SEL1L2: variants seen among roughly 807,000 people sequenced by gnomAD.
The protein encoded by SEL1L2 is SEL1L2 adaptor subunit of SYVN1 ubiquitin ligase.
In SEL1L2, 89 loss-of-function variants were observed where a neutral mutation model predicts 98.8. That is an observed-to-expected ratio of 0.90 (90% confidence interval 0.76 to 1.07). The LOEUF (loss-of-function observed/expected upper bound fraction) is 1.07, where lower values mean the gene tolerates loss of function less well. Ranked by LOEUF, SEL1L2 falls within the 50% of genes least tolerant of loss-of-function variation. The pLI, the probability that SEL1L2 is intolerant of heterozygous loss-of-function variation, is 0.00. For missense variants in SEL1L2, 788 were observed against 812.0 expected (o/e 0.97, Z 0.36); for synonymous variants, 262 against 278.5 (o/e 0.94, Z 0.59).
intron 4 of SEL1L2, chr20:13,914,981 T>C: frequency 1.5e-6 from 1 of 660,952 alleles, no homozygotes; most frequent in Non-Finnish European, 2.2e-6. Context: ...TAGGGATTTA[T>C]TTTTACTTTT....
At chr20:13,918,094 G>A (rs2048489221) in intron 4 of SEL1L2, among the ~76,000 whole-genome samples, 1 of 151,958 alleles carries the variant, frequency 6.6e-6, no homozygotes, top group Non-Finnish European at 1.5e-5. Flanking sequence ...CTTGGCTAGG[G>A]CCCACACTTT....
At chr20:13,931,191 C>T (rs1464373860) in intron 3 of SEL1L2, among the ~76,000 whole-genome samples, 1 of 151,804 alleles carries the variant, frequency 6.6e-6, no homozygotes, top group Non-Finnish European at 1.5e-5. Context: ...CTACAGGTGC[C>T]CGCCACCGTG....
chr20:13,912,485 CG>C (rs2048247398), intron 5 of SEL1L2, among the ~76,000 whole-genome samples: 1 of 151,864 alleles, frequency 6.6e-6, no homozygotes, highest in Non-Finnish European at 1.5e-5. Context: ...TTAGTAGAGA[CG>C]GGGTTTCACC....
rs1017302847 is a variant in SEL1L2 at position 13,849,331 on chromosome 20, C to A, written c.*154G>T. 6.3e-6 allele frequency: 6 copies of A among 953,912 alleles called. No homozygotes were observed. In the African/African-American group the frequency reaches 8.1e-5, roughly 13 times the overall value. 59.1% of individuals were successfully genotyped at this position (953,912 alleles called of 1,614,324 possible). Reference sequence around the variant, plus strand: ...CTAAGCAGGAAGTCTGAAGTTGTTTCTCTAGGATGGTCCCCAAGTCTTGTC... The same window carrying A: ...CTAAGCAGGAAGTCTGAAGTTGTTTATCTAGGATGGTCCCCAAGTCTTGTC... On this transcript the variant is annotated 3_prime_UTR_variant, in exon 20 of 20. Coordinates refer to ENST00000284951, the MANE Select transcript of SEL1L2 (RefSeq NM_025229.2).
chr20:13,902,068 G>A (rs546311301), intron 5 of SEL1L2, among the ~76,000 whole-genome samples: 55 of 152,280 alleles, frequency 3.6e-4, no homozygotes, highest in African/African-American at 1.2e-3. Context: ...CACGGAAAAG[G>A]GCAGTAACTC....
intron 14 of SEL1L2, among the ~76,000 whole-genome samples, chr20:13,868,667 G>A (rs1263005022): frequency 2.0e-5 from 3 of 149,320 alleles, no homozygotes; most frequent in East Asian, 2.0e-4. Flanking sequence ...ATGCAGTGGC[G>A]TGATCTAGGC....
intron 3 of SEL1L2, among the ~76,000 whole-genome samples, chr20:13,919,579 C>T (rs1327348528): frequency 6.6e-6 from 1 of 152,136 alleles, no homozygotes; most frequent in Non-Finnish European, 1.5e-5. Context: ...ACAGGCATCT[C>T]CAAGATGACC....
chr20:13,904,913 C>G (rs1343477183), intron 5 of SEL1L2, among the ~76,000 whole-genome samples: 1 of 152,194 alleles, frequency 6.6e-6, no homozygotes, highest in African/African-American at 2.4e-5. Context: ...CTTTCACCAA[C>G]AGTGGATCCT....
At position 13,977,860 on chromosome 20, in the gene SEL1L2, CATAA is replaced by C. The variant is rs1470581571; in HGVS notation, c.58+12613_58+12616del. On this transcript the variant is annotated intron_variant, in intron 1 of 19. Coordinates refer to ENST00000284951, the MANE Select transcript of SEL1L2 (RefSeq NM_025229.2). The stretch of plus-strand genomic sequence containing the variant: ...ATTTGATGAAAAAAATTCAAGGAGG[CATAA>C]ATAAATAAAAAGATATATTCATGGA... Among the ~76,000 whole-genome samples, 14 of 151,872 alleles carry C rather than the reference CATAA, an allele frequency of 9.2e-5. No individual in the cohort carries two copies. The East Asian group carries it at 9.6e-4, about 10-fold the overall frequency.
chr20:13,901,533 A>C (rs930850761), intron 5 of SEL1L2, among the ~76,000 whole-genome samples: 1 of 152,218 alleles, frequency 6.6e-6, no homozygotes, highest in Non-Finnish European at 1.5e-5. Flanking sequence ...TAATTTTATA[A>C]AAAATGTGAC....
chr20:13,949,890 G>A lies in SEL1L2; in HGVS notation c.114+6186C>T, dbSNP rs962756972. On this transcript the variant is annotated intron_variant, in intron 2 of 19. Coordinates refer to ENST00000284951, the MANE Select transcript of SEL1L2 (RefSeq NM_025229.2). ...AAGAATTGAAACAGGGTACTGAAGAGGTATTTGTATGCCCATGTTAATAGC... is the reference window on the plus strand; with the variant it reads ...AAGAATTGAAACAGGGTACTGAAGAAGTATTTGTATGCCCATGTTAATAGC... Among the ~76,000 whole-genome samples, 6 of 152,100 alleles carry A rather than the reference G, an allele frequency of 3.9e-5. No individual in the cohort carries two copies. In the East Asian group the frequency reaches 1.2e-3, roughly 29 times the overall value.
intron 9 of SEL1L2, 103 bp downstream of exon 9, chr20:13,886,185 C>T (rs577089452): frequency 1.3e-6 from 1 of 750,058 alleles, no homozygotes; most frequent in African/African-American, 1.8e-5. Context: ...TCCCCCCATT[C>T]CTATTTAGGA....
intron 5 of SEL1L2, among the ~76,000 whole-genome samples, chr20:13,905,274 T>C (rs2047870210): frequency 1.3e-5 from 2 of 151,948 alleles, no homozygotes; most frequent in Non-Finnish European, 2.9e-5. Flanking sequence ...TATCGTGTAG[T>C]AAATATGTTG....
intron 1 of SEL1L2, among the ~76,000 whole-genome samples, chr20:13,961,636 C>G (rs934549947): frequency 2.0e-4 from 30 of 152,170 alleles, no homozygotes; most frequent in African/African-American, 7.0e-4. Context: ...GAATAGGAGA[C>G]AGCATGAGAA....
intron 5 of SEL1L2, among the ~76,000 whole-genome samples, chr20:13,905,267 C>T (rs1024406652): frequency 1.3e-5 from 2 of 150,074 alleles, no homozygotes; most frequent in South Asian, 2.1e-4. Flanking sequence ...TACGGGCTAT[C>T]GTGTAGTAAA....
At chr20:13,907,700 CTCTTTCTTTCTT>C (rs10665105) in intron 5 of SEL1L2, among the ~76,000 whole-genome samples, 4,457 of 125,440 alleles carry the variant, frequency 0.036, 175 homozygotes, top group African/African-American at 0.096. Context: ...TTCTTTCTTT[CTCTTTCTTTCTT>C]TCTTTCTTTC....
chr20:13,962,783 C>T (rs2050837865), intron 1 of SEL1L2, among the ~76,000 whole-genome samples: 2 of 151,986 alleles, frequency 1.3e-5, no homozygotes, highest in Admixed American at 1.3e-4. Flanking sequence ...AATAAAATAT[C>T]GACCAGGCAC....
At chr20:13,947,242 T>C (rs563065398) in intron 2 of SEL1L2, among the ~76,000 whole-genome samples, 1 of 151,888 alleles carries the variant, frequency 6.6e-6, no homozygotes, top group African/African-American at 2.4e-5. Flanking sequence ...TCTGAGCCCA[T>C]AAAAACCCCC....
Position 13,887,955 on chromosome 20 carries a change from G to A in SEL1L2, c.650C>T (p.Ser217Phe), listed in dbSNP as rs754915100. Residue 217 changes from serine to phenylalanine, a missense_variant, in exon 7 of 20, where the codon TCC becomes TTC. Ser to Phe is a radical substitution (Grantham distance 155). Transcript: ENST00000284951. ...TTGTTTACAAACCAAAATCATCTGG[G>A]ACATCATGTTTCCTCCAGCACTTCC... ...TFGSAGGNMMSQMILGYRYLS... is the reference protein window; with the variant it reads ...TFGSAGGNMMFQMILGYRYLS... 6.2e-7 allele frequency: 1 copy of A among 1,613,644 alleles called. No individual in the cohort carries two copies.
Sources: gnomAD v4.1 joint callset for allele counts (sites outside exome capture counted in the v4.1 genomes callset) on GRCh38, gnomAD v4.1.1 for gene constraint, MANE v1.5 for transcripts, NCBI Gene and HGNC (gene_info 2026-07-23, HGNC 2026-07-21) for gene names.